Variants in SH3BGRL2 observed in about 807,000 individuals in gnomAD.
The protein encoded by SH3BGRL2 is SH3 domain binding glutamate rich protein like 2.
In SH3BGRL2, 21 loss-of-function variants were observed where a neutral mutation model predicts 14.8. The ratio of observed to expected loss-of-function variants is 1.42; its 90% confidence interval spans 1.01 to 2.05. The LOEUF is 2.05. Ranked by LOEUF, SH3BGRL2 falls within the 30% of genes most tolerant of loss-of-function variation. SH3BGRL2 has a pLI of 0.00. For missense variants in SH3BGRL2, 147 were observed against 130.8 expected (o/e 1.12, Z -0.61); for synonymous variants, 50 against 47.8 (o/e 1.05, Z -0.19).
chr6:79,615,726 A>G, the SH3BGRL2 span, among the ~76,000 whole-genome samples: 1 of 151,834 alleles, frequency 6.6e-6, no homozygotes. Context: ...AACTATACCC[A>G]TCTAAATGCC....
the SH3BGRL2 span, among the ~76,000 whole-genome samples, chr6:79,613,670 C>T: frequency 6.6e-6 from 1 of 151,886 alleles, no homozygotes; most frequent in East Asian, 1.9e-4. Context: ...GAGTGCAGTG[C>T]ATTCGGCTCA....
At chr6:79,555,960 CAG>C in the SH3BGRL2 span, among the ~76,000 whole-genome samples, 8 of 151,810 alleles carry the variant, frequency 5.3e-5, no homozygotes, top group Non-Finnish European at 7.4e-5. Context: ...TCAAAGAAAA[CAG>C]AAAGAATTAT....
rs757397358 is a variant in SH3BGRL2, at chr6:79,699,478, T to A, written c.313-20T>A. ...CAATAACTGACTTTTTTTTTTTTTT[T>A]TTTTTTTTTTTTTTTATAGGCAGAA... is the stretch of plus-strand genomic sequence containing the variant. On this transcript the variant is annotated intron_variant, in intron 3 of 3. Coordinates refer to ENST00000369838, the MANE Select transcript of SH3BGRL2 (RefSeq NM_031469.4). 6 of 1,487,062 alleles carry A rather than the reference T, an allele frequency of 4.0e-6. No homozygotes were observed. The Admixed American group carries it at 1.4e-4, about 35-fold the overall frequency. 92.1% of individuals were successfully genotyped at this position (1,487,062 alleles called of 1,614,324 possible). A position where few individuals can be genotyped will look rare whatever the true frequency, so the allele number is the denominator to read the frequency against.
intron 2 of SH3BGRL2, among the ~76,000 whole-genome samples, chr6:79,681,930 G>A (rs1769995442): frequency 6.6e-6 from 1 of 151,342 alleles, no homozygotes; most frequent in South Asian, 2.1e-4. Flanking sequence ...CCAGCCTGGG[G>A]GACAGAGTGA....
the SH3BGRL2 span, among the ~76,000 whole-genome samples, chr6:79,597,381 GGGAAGGAAGGAGGAA>G: frequency 6.8e-6 from 1 of 147,270 alleles, no homozygotes; most frequent in Non-Finnish European, 1.5e-5. Context: ...AGGAAGGGAA[GGGAAGGAAGGAGGAA>G]GGAAGGAAGG....
At chr6:79,545,932 C>A in the SH3BGRL2 span, among the ~76,000 whole-genome samples, 1 of 152,160 alleles carries the variant, frequency 6.6e-6, no homozygotes, top group East Asian at 1.9e-4. Flanking sequence ...AAAATGTTTC[C>A]ATTTTCTCAA....
Position 79,703,190 on chromosome 6 carries a change from T to C in SH3BGRL2, c.*3681T>C, listed in dbSNP as rs532575241. The C allele has an allele frequency of 2.0e-5, 3 of 152,248 alleles. No homozygotes were observed. The East Asian group carries it at 5.8e-4, about 29-fold the overall frequency. 9.4% of individuals were successfully genotyped at this position (152,248 alleles called of 1,614,324 possible). ...GATCAAGCCCCTAAAATGTGGTAAG[T>C]GTTGTCAGAGCAGGGCAATATCTCT... On this transcript the variant is annotated 3_prime_UTR_variant, in exon 4 of 4. Transcript: ENST00000369838.
At chr6:79,608,054 G>A in the SH3BGRL2 span, among the ~76,000 whole-genome samples, 1 of 152,196 alleles carries the variant, frequency 6.6e-6, no homozygotes, top group African/African-American at 2.4e-5. Flanking sequence ...GGAAGGTGAA[G>A]GGGAAGCAGG....
At chr6:79,590,251 A>G in the SH3BGRL2 span, among the ~76,000 whole-genome samples, 1 of 151,900 alleles carries the variant, frequency 6.6e-6, no homozygotes, top group Non-Finnish European at 1.5e-5. Flanking sequence ...AACTTAAAAC[A>G]GAACTACCAT....
chr6:79,683,463 C>CT (rs1322387979), intron 2 of SH3BGRL2, among the ~76,000 whole-genome samples: 1,561 of 144,280 alleles, frequency 0.011, 10 homozygotes, highest in African/African-American at 0.013. Context: ...AAACATCCTT[C>CT]TTTTTTTTTT....
chr6:79,659,453 T>A (rs1769494505), intron 1 of SH3BGRL2, among the ~76,000 whole-genome samples: 1 of 152,164 alleles, frequency 6.6e-6, no homozygotes, highest in South Asian at 2.1e-4. Flanking sequence ...GTTGTAGATG[T>A]GTGGTGTTAT....
the SH3BGRL2 span, among the ~76,000 whole-genome samples, chr6:79,586,983 C>T: frequency 6.6e-6 from 1 of 152,156 alleles, no homozygotes; most frequent in Non-Finnish European, 1.5e-5. Context: ...TTACTTTAAT[C>T]TGACTCAGTT....
intron 3 of SH3BGRL2, among the ~76,000 whole-genome samples, chr6:79,697,995 A>G (rs1770367830): frequency 6.6e-6 from 1 of 152,238 alleles, no homozygotes; most frequent in African/African-American, 2.4e-5. Flanking sequence ...CAGGAAATCT[A>G]TGGTCTATGA....
the SH3BGRL2 span, among the ~76,000 whole-genome samples, chr6:79,555,357 G>T: frequency 6.6e-6 from 1 of 152,038 alleles, no homozygotes. Flanking sequence ...GGCTGAGGCA[G>T]GAAAATTGCT....
chr6:79,616,292 A>G, the SH3BGRL2 span, among the ~76,000 whole-genome samples: 5 of 152,210 alleles, frequency 3.3e-5, no homozygotes, highest in Non-Finnish European at 5.9e-5. Flanking sequence ...ACAAGAAGAA[A>G]CAGGAACCCA....
At chr6:79,581,997 A>G in the SH3BGRL2 span, among the ~76,000 whole-genome samples, 1 of 150,040 alleles carries the variant, frequency 6.7e-6, no homozygotes, top group Non-Finnish European at 1.5e-5. Context: ...ATTAACAGAC[A>G]AACAGAGAGC....
At chr6:79,650,659 A>T (rs148086647) in intron 1 of SH3BGRL2, among the ~76,000 whole-genome samples, 1 of 152,128 alleles carries the variant, frequency 6.6e-6, no homozygotes, top group East Asian at 1.9e-4. Context: ...CAAGAGTGAG[A>T]ACTCATGCAC....
At chr6:79,693,100 C>T (rs4632857) in intron 2 of SH3BGRL2, among the ~76,000 whole-genome samples, 123,360 of 151,210 alleles carry the variant, frequency 0.82, 50,469 homozygotes, top group East Asian at 0.98. Flanking sequence ...TTCCTAGGTA[C>T]TTTATTCTCT....
the SH3BGRL2 span, among the ~76,000 whole-genome samples, chr6:79,576,690 C>T: frequency 4.6e-5 from 7 of 152,176 alleles, no homozygotes; most frequent in Admixed American, 2.0e-4. Context: ...ATGCACACGT[C>T]GATAAGTTTT....
Sources: gnomAD v4.1 joint callset for allele counts (sites outside exome capture counted in the v4.1 genomes callset) on GRCh38, gnomAD v4.1.1 for gene constraint, MANE v1.5 for transcripts, NCBI Gene and HGNC (gene_info 2026-07-23, HGNC 2026-07-21) for gene names.